The following ARHGAP32 variants were observed in gnomAD, a reference collection of about 807,000 sequenced individuals.
The protein encoded by ARHGAP32 is rho GTPase-activating protein 32.
In ARHGAP32, 51 loss-of-function variants were observed where a neutral mutation model predicts 186.5. The ratio of observed to expected loss-of-function variants is 0.27; its 90% confidence interval spans 0.22 to 0.35. The LOEUF (loss-of-function observed/expected upper bound fraction) is 0.35, where lower values mean the gene tolerates loss of function less well. ARHGAP32 is among the 10% of genes least tolerant of loss of function. ARHGAP32 has a pLI of 1.00. For missense variants in ARHGAP32, 2,186 were observed against 2,623.5 expected (o/e 0.83, Z 3.64); for synonymous variants, 950 against 964.3 (o/e 0.99, Z 0.27).
At chr11:129,179,934 T>TA (rs1944015741) in intron 1 of ARHGAP32, among the ~76,000 whole-genome samples, 1 of 152,092 alleles carries the variant, frequency 6.6e-6, no homozygotes. Flanking sequence ...CCCTAAAACT[T>TA]AAAGTATAAT....
chr11:129,000,639 T>C (rs759518066), intron 11 of ARHGAP32, among the ~76,000 whole-genome samples: 4 of 152,220 alleles, frequency 2.6e-5, no homozygotes, highest in Non-Finnish European at 5.9e-5. Flanking sequence ...TATAGTATTT[T>C]AGTTATTTTT....
intron 1 of ARHGAP32, among the ~76,000 whole-genome samples, chr11:129,267,946 C>T (rs1238702028): frequency 6.6e-6 from 1 of 151,994 alleles, no homozygotes; most frequent in African/African-American, 2.4e-5. Context: ...AGGGACAGCT[C>T]GCTCACTCAC....
intron 1 of ARHGAP32, among the ~76,000 whole-genome samples, chr11:129,231,187 T>A (rs1409977237): frequency 3.9e-5 from 6 of 152,186 alleles, no homozygotes; most frequent in African/African-American, 1.4e-4. Flanking sequence ...ACATAGCACA[T>A]ACTTTGTGTT....
intron 5 of ARHGAP32, among the ~76,000 whole-genome samples, chr11:129,103,566 T>C (rs1489568417): frequency 4.0e-5 from 6 of 151,866 alleles, no homozygotes; most frequent in African/African-American, 1.5e-4. Flanking sequence ...CACCCCAAAC[T>C]AAATGAATAA....
Position 129,191,716 on chromosome 11 carries a change from G to A in ARHGAP32, c.116+367C>T, listed in dbSNP as rs1015655339. On this transcript the variant is annotated intron_variant, in intron 1 of 22. Transcript: ENST00000682385. ...CACACACACCACATTCCAAGAAAAA[G>A]AGGAAGAAAAATCTATTAGATACAA... Among the ~76,000 whole-genome samples, 4 of 151,562 alleles carry A rather than the reference G, an allele frequency of 2.6e-5. No homozygotes were observed. In the East Asian group the frequency reaches 7.8e-4, roughly 29 times the overall value.
intron 12 of ARHGAP32, among the ~76,000 whole-genome samples, chr11:128,997,562 T>C (rs1454432314): frequency 2.0e-5 from 3 of 152,216 alleles, no homozygotes; most frequent in Admixed American, 6.5e-5. Context: ...TCTTCTGGCA[T>C]TTCTGAAAGA....
intron 1 of ARHGAP32, among the ~76,000 whole-genome samples, chr11:129,235,163 G>A (rs1317601108): frequency 2.0e-5 from 3 of 152,096 alleles, no homozygotes; most frequent in African/African-American, 4.8e-5. Flanking sequence ...TCTTGATTTC[G>A]GACTTTAGCC....
At chr11:129,216,669 TAAAAAAAAAA>T (rs201308944) in intron 1 of ARHGAP32, among the ~76,000 whole-genome samples, 18 of 119,078 alleles carry the variant, frequency 1.5e-4, no homozygotes, top group Admixed American at 4.7e-4. Flanking sequence ...AGACTGTCTT[TAAAAAAAAAA>T]AAAAAAAAAA....
In ARHGAP32 at chr11:129,209,817, T is replaced by A. The variant is rs147105540; in HGVS notation, c.-4-45390A>T. Among the ~76,000 whole-genome samples, 226 of 152,260 alleles carry A rather than the reference T, an allele frequency of 1.5e-3. 1 individual carries two copies. Among genetic ancestry groups the A allele is most frequent in the African/African-American group, 5.0e-3 (209 of 41,560 alleles). On this transcript the variant is annotated intron_variant, in intron 1 of 6. Transcript: ENST00000525234. ...GAATGTTTTATCAAATATAATAAACTTAGAACACGAAGGATACCACTTAAA... is the reference window on the plus strand; with the variant it reads ...GAATGTTTTATCAAATATAATAAACATAGAACACGAAGGATACCACTTAAA...
At position 129,220,375 on chromosome 11, in the gene ARHGAP32, C is replaced by T. The variant is rs184226065; in HGVS notation, c.-4-55948G>A. Among the ~76,000 whole-genome samples, 23 of 152,082 alleles carry T rather than the reference C, an allele frequency of 1.5e-4. No homozygotes were observed. The East Asian group carries it at 3.1e-3, about 20-fold the overall frequency. ...GTGACTGATACTAACAATGAAAATC[C>T]GTGAATAAACTTTGGAAGCAAGGGG... On this transcript the variant is annotated intron_variant, in intron 1 of 6. Transcript: ENST00000525234.
At chr11:129,267,742 AAAG>A (rs1365948269) in intron 1 of ARHGAP32, among the ~76,000 whole-genome samples, 4 of 152,232 alleles carry the variant, frequency 2.6e-5, no homozygotes, top group African/African-American at 9.6e-5. Flanking sequence ...GGTAATTTAT[AAAG>A]AAGGTTTATT....
intron 1 of ARHGAP32, among the ~76,000 whole-genome samples, chr11:129,165,545 G>T (rs879100214): frequency 6.8e-6 from 1 of 147,448 alleles, no homozygotes; most frequent in South Asian, 2.3e-4. Flanking sequence ...CAAATCTTTC[G>T]TTCACATTAT....
intron 5 of ARHGAP32, among the ~76,000 whole-genome samples, chr11:129,109,222 T>G (rs1389652087): frequency 2.0e-5 from 3 of 152,096 alleles, no homozygotes; most frequent in African/African-American, 7.2e-5. Context: ...TTGCTGCAAA[T>G]GACAGAAATT....
chr11:129,017,098 C>T (rs183829488), intron 11 of ARHGAP32, among the ~76,000 whole-genome samples: 2 of 152,300 alleles, frequency 1.3e-5, no homozygotes, highest in African/African-American at 2.4e-5. Flanking sequence ...CTTGCCTCTG[C>T]AGCTCCTAAC....
intron 5 of ARHGAP32, among the ~76,000 whole-genome samples, chr11:129,096,196 C>G (rs1941723350): frequency 6.6e-6 from 1 of 152,050 alleles, no homozygotes; most frequent in South Asian, 2.1e-4. Context: ...TAAAATAAAG[C>G]AGACACAGAA....
At chr11:129,253,690 G>A (rs1945216762) in intron 1 of ARHGAP32, among the ~76,000 whole-genome samples, 2 of 152,112 alleles carry the variant, frequency 1.3e-5, no homozygotes, top group African/African-American at 4.8e-5. Flanking sequence ...AGTACAATAT[G>A]TTTATAAACC....
upstream of ARHGAP32, among the ~76,000 whole-genome samples, chr11:129,193,123 G>A (rs774874263): frequency 2.0e-5 from 3 of 151,948 alleles, no homozygotes; most frequent in South Asian, 4.2e-4. Flanking sequence ...CACTGTATCT[G>A]ATTTAATCAA....
At chr11:129,182,260 T>C (rs1944072014) in intron 1 of ARHGAP32, among the ~76,000 whole-genome samples, 1 of 152,132 alleles carries the variant, frequency 6.6e-6, no homozygotes, top group Non-Finnish European at 1.5e-5. Context: ...ATTCTATATA[T>C]GTACAAATAT....
At chr11:129,133,278 G>A (rs971081293) in intron 2 of ARHGAP32, among the ~76,000 whole-genome samples, 3 of 152,008 alleles carry the variant, frequency 2.0e-5, no homozygotes, top group East Asian at 1.9e-4. Flanking sequence ...GATAGCTAAC[G>A]GACAATATCA....
Sources: gnomAD v4.1 joint callset for allele counts (sites outside exome capture counted in the v4.1 genomes callset) on GRCh38, gnomAD v4.1.1 for gene constraint, MANE v1.5 for transcripts, NCBI Gene and HGNC (gene_info 2026-07-23, HGNC 2026-07-21) for gene names.